MYCBP2: variants seen among roughly 807,000 people sequenced by gnomAD.
MYCBP2 encodes MYC binding protein 2.
Under a neutral mutation model 525.3 loss-of-function variants are expected in MYCBP2, and 120 were observed. The observed-to-expected ratio is 0.23, with a 90% CI of 0.20 to 0.27. The LOEUF is 0.27. MYCBP2 is among the 10% of genes least tolerant of loss of function. The probability of loss-of-function intolerance (pLI) is 1.00; values close to 1 mark genes in which losing one functional copy is unlikely to be tolerated. For missense variants in MYCBP2, 4,149 were observed against 5,657.1 expected (o/e 0.73, Z 8.55); for synonymous variants, 1,894 against 1,955.8 (o/e 0.97, Z 0.83).
At chr13:77,165,137 A>C in intron 42 of MYCBP2, 136 bp downstream of exon 42, 2 of 670,376 alleles carry the variant, frequency 3.0e-6, no homozygotes, top group Non-Finnish European at 5.2e-6. Context: ...CTGCAATTAC[A>C]GGTGTGAGCC....
intron 28 of MYCBP2, 80 bp from the exon 29 acceptor site, chr13:77,190,415 C>A (rs1227216720): frequency 8.3e-6 from 7 of 841,484 alleles, no homozygotes; most frequent in Non-Finnish European, 1.3e-5. Flanking sequence ...GTTTTCAAAT[C>A]TTATGTCAAT....
chr13:77,201,615 T>C (rs1405078610), intron 26 of MYCBP2, among the ~76,000 whole-genome samples: 1 of 150,556 alleles, frequency 6.6e-6, no homozygotes, highest in African/African-American at 2.4e-5. Context: ...ACACCACACC[T>C]ATTCCAAAAT....
Position 77,168,602 on chromosome 13 carries a change from T to A in MYCBP2, c.5940A>T (p.Ser1980=), listed in dbSNP as rs776728672. 32 of 1,614,100 alleles carry A rather than the reference T, an allele frequency of 2.0e-5. No homozygotes were observed. The highest frequency in any genetic ancestry group is 3.3e-5 in the South Asian group (3 of 91,086). ...VFGLVQQLLP[S]VAILNQKYAP... Reference sequence around the variant, plus strand: ...CATACTTCTGATTCAAAATGGCAACTGACGGAAGCAATTGTTGGACAAGGC... The same window carrying A: ...CATACTTCTGATTCAAAATGGCAACAGACGGAAGCAATTGTTGGACAAGGC... The change falls in exon 40 of 83, where the codon TCA becomes TCT. Residue 1980 remains serine, a synonymous_variant. Coordinates refer to ENST00000544440, the MANE Select transcript of MYCBP2 (RefSeq NM_015057.5).
chr13:77,201,405 G>A (rs1423873774), intron 26 of MYCBP2, among the ~76,000 whole-genome samples: 3 of 151,600 alleles, frequency 2.0e-5, no homozygotes, highest in Non-Finnish European at 2.9e-5. Context: ...AGTCCTGAGT[G>A]ACCTACAAAG....
intron 1 of MYCBP2, among the ~76,000 whole-genome samples, chr13:77,323,910 A>G (rs2081988891): frequency 6.6e-6 from 1 of 151,966 alleles, no homozygotes; most frequent in Non-Finnish European, 1.5e-5. Context: ...CCTTAACTCT[A>G]TCCCTGAGAT....
In MYCBP2 at chr13:77,326,421, G is replaced by T. The variant is rs1453037000; in HGVS notation, c.302+53C>A. On this transcript the variant is annotated intron_variant, in intron 1 of 82. Coordinates refer to ENST00000544440, the MANE Select transcript of MYCBP2 (RefSeq NM_015057.5). This position sits in a 1 kb window ranked among gnomAD's most constrained non-coding sequence, Gnocchi z 4.2. ...CACACGCGGGTGCACGCGCGGCATG[G>T]GGCGCAAGGAAGGGCGGCATGGGGC... 2 of 1,477,048 alleles carry T rather than the reference G, an allele frequency of 1.4e-6. No homozygotes were observed. Among genetic ancestry groups the T allele is most frequent in the East Asian group, 2.7e-5 (1 of 37,634 alleles). The allele number at this position is 1,477,048 out of a possible 1,614,324, so 91.5% of individuals were successfully genotyped here.
intron 19 of MYCBP2, 97 bp downstream of exon 19, chr13:77,225,338 A>C (rs2066108124): frequency 6.6e-7 from 1 of 1,508,292 alleles, no homozygotes; most frequent in Non-Finnish European, 9.1e-7. Context: ...ACAGCTTTTA[A>C]CACACAGTTA....
intron 26 of MYCBP2, among the ~76,000 whole-genome samples, chr13:77,202,306 G>A (rs1171447958): frequency 6.6e-6 from 1 of 152,000 alleles, no homozygotes; most frequent in Non-Finnish European, 1.5e-5. Flanking sequence ...ATGGATAAGG[G>A]ATTCCTGGAC....
At chr13:77,311,571 T>G (rs927002750) in intron 1 of MYCBP2, among the ~76,000 whole-genome samples, 21 of 150,662 alleles carry the variant, frequency 1.4e-4, no homozygotes, top group Admixed American at 1.1e-3. Context: ...TTTTGTTTTT[T>G]TTTTTTTGTT....
intron 1 of MYCBP2, among the ~76,000 whole-genome samples, chr13:77,307,266 T>C (rs995981593): frequency 6.6e-6 from 1 of 152,176 alleles, no homozygotes; most frequent in African/African-American, 2.4e-5. Context: ...CCTTGAGATT[T>C]TGCTCAACCA....
At position 77,087,546 on chromosome 13, in the gene MYCBP2, G is replaced by C; in HGVS notation, c.10813C>G (p.Pro3605Ala). 7 of 1,612,874 alleles carry C rather than the reference G, an allele frequency of 4.3e-6. No individual in the cohort carries two copies. The highest frequency in any genetic ancestry group is 5.9e-6 in the Non-Finnish European group (7 of 1,179,434). Residue 3605 changes from proline to alanine, a missense_variant, in exon 62 of 83, where the codon CCA becomes GCA. Physicochemically the swap from Pro to Ala is conservative, Grantham distance 27 (BLOSUM62 -1). This residue lies in a region of MYCBP2 where 509 missense variants were observed against 789.4 expected (regional missense o/e 0.64). Coordinates refer to ENST00000544440, the MANE Select transcript of MYCBP2 (RefSeq NM_015057.5). ...TCCTCTTCTTCCTCTGGTTCCACTGGTGCAGGAGTCAGTGATGCCACAAAA... is the reference window on the plus strand; with the variant it reads ...TCCTCTTCTTCCTCTGGTTCCACTGCTGCAGGAGTCAGTGATGCCACAAAA... ...WHFVASLTPA[P>A]VEPEEEEDEE...
At chr13:77,096,126 T>C (rs988209564) in intron 57 of MYCBP2, among the ~76,000 whole-genome samples, 186 bp downstream of exon 57, 1 of 152,098 alleles carries the variant, frequency 6.6e-6, no homozygotes, top group Non-Finnish European at 1.5e-5. Context: ...CAATATATAG[T>C]TAATTTTTAA....
At chr13:77,048,916 A>C (rs2036162225) in intron 82 of MYCBP2, among the ~76,000 whole-genome samples, 1 of 152,274 alleles carries the variant, frequency 6.6e-6, no homozygotes, top group African/African-American at 2.4e-5. Context: ...CTGTTTTTTA[A>C]CATAGAGGAA....
At chr13:77,100,445 T>C (rs533888288) in intron 55 of MYCBP2, 78 of 152,110 alleles carry the variant, frequency 5.1e-4, no homozygotes, top group African/African-American at 1.8e-3. Flanking sequence ...TATATTCCAA[T>C]TTTCTTGATT....
chr13:77,176,253 G>C (rs1372408853), intron 36 of MYCBP2, among the ~76,000 whole-genome samples: 1 of 151,988 alleles, frequency 6.6e-6, no homozygotes, highest in African/African-American at 2.4e-5. Context: ...GGTATCCAAA[G>C]CTAAGTCTGT....
chr13:77,148,462 T>G (rs1370869742), intron 47 of MYCBP2, among the ~76,000 whole-genome samples: 1 of 152,076 alleles, frequency 6.6e-6, no homozygotes, highest in African/African-American at 2.4e-5. Flanking sequence ...TTTACCTCAA[T>G]AACTATTCTT....
chr13:77,326,411 G>A lies in MYCBP2; in HGVS notation c.302+63C>T, dbSNP rs919405001. Reference sequence around the variant, plus strand: ...CAAGCACACACACACGCGGGTGCACGCGCGGCATGGGGCGCAAGGAAGGGC... The same window carrying A: ...CAAGCACACACACACGCGGGTGCACACGCGGCATGGGGCGCAAGGAAGGGC... On this transcript the variant is annotated intron_variant, in intron 1 of 82. Coordinates refer to ENST00000544440, the MANE Select transcript of MYCBP2 (RefSeq NM_015057.5). The surrounding 1 kb of genome is among the most constrained non-coding windows in gnomAD (Gnocchi z 4.2). 5.6e-5 allele frequency: 81 copies of A among 1,453,240 alleles called. No homozygotes were observed. Among genetic ancestry groups the A allele is most frequent in the Non-Finnish European group, 7.0e-5 (77 of 1,099,470 alleles). 90.0% of individuals were successfully genotyped at this position (1,453,240 alleles called of 1,614,324 possible).
intron 55 of MYCBP2, among the ~76,000 whole-genome samples, chr13:77,111,776 T>A (rs1213980679): frequency 6.6e-6 from 1 of 152,130 alleles, no homozygotes; most frequent in Non-Finnish European, 1.5e-5. Context: ...TCATAATATT[T>A]TCAGTTATCT....
intron 1 of MYCBP2, among the ~76,000 whole-genome samples, chr13:77,321,349 C>T (rs1225607083): frequency 1.3e-5 from 2 of 152,192 alleles, no homozygotes; most frequent in Non-Finnish European, 2.9e-5. Context: ...TGTGTTTATA[C>T]ACTATACAGG....
Sources: gnomAD v4.1 joint callset for allele counts (sites outside exome capture counted in the v4.1 genomes callset) on GRCh38, gnomAD v4.1.1 for gene constraint, gnomAD v4.1.1 regional missense constraint, Gnocchi (gnomAD v3.1) non-coding constraint, MANE v1.5 for transcripts, NCBI Gene and HGNC (gene_info 2026-07-23, HGNC 2026-07-21) for gene names.